Variants in PROS1 observed in about 807,000 individuals in gnomAD.
PROS1 encodes the protein protein S.
A neutral mutation model predicts 75.9 loss-of-function variants in PROS1; 29 were observed. That is an observed-to-expected ratio of 0.38 (90% CI 0.28 to 0.52). The LOEUF is 0.52. Ranked by LOEUF, PROS1 falls within the 20% of genes least tolerant of loss-of-function variation. PROS1 has a pLI of 0.83. For synonymous variants in PROS1, 245 were observed against 280.6 expected (o/e 0.87, Z 1.27); for missense variants, 680 against 810.3 (o/e 0.84, Z 1.95).
chr3:93,916,181 T>C (rs1462866500), intron 3 of PROS1, among the ~76,000 whole-genome samples: 1 of 152,178 alleles, frequency 6.6e-6, no homozygotes, highest in Non-Finnish European at 1.5e-5. Context: ...CAGTAAAACC[T>C]AAGTAGTTTT....
Position 93,913,402 on chromosome 3 carries a change from A to C in PROS1, c.260-2697T>G, listed in dbSNP as rs550050198. Among the ~76,000 whole-genome samples the C allele has an allele frequency of 2.4e-4, 36 of 152,302 alleles. 1 individual carries two copies. In the South Asian group the frequency reaches 6.8e-3, roughly 29 times the overall value. ...AAGATCTGATGGTTTTATAAATGGG[A>C]GGTCCCCTGCACAAGCTCTCTTGCC... On this transcript the variant is annotated intron_variant, in intron 3 of 14. Transcript: ENST00000394236.
In PROS1 at chr3:93,956,551, CACACACACACAA is replaced by C. The variant is rs1327783980; in HGVS notation, c.76+17111_76+17122del. 2.8e-3 allele frequency among the ~76,000 whole-genome samples: 226 copies of C among 81,610 alleles called. 1 individual carries two copies. The highest frequency in any genetic ancestry group is 7.1e-3 in the African/African-American group (201 of 28,434). The allele number at this position is 81,610 out of a possible 152,430, so 53.5% of individuals were successfully genotyped here. A position where few individuals can be genotyped will look rare whatever the true frequency, so the allele number is the denominator to read the frequency against. On this transcript the variant is annotated intron_variant, in intron 1 of 14. Transcript: ENST00000394236. ...CTCTCTCTACACACACACACACACA[CACACACACACAA>C]ACACACACACACACACACACACACA...
intron 9 of PROS1, 25 bp from the exon 10 acceptor site, chr3:93,893,147 C>T (rs1196132384): frequency 6.3e-7 from 1 of 1,583,748 alleles, no homozygotes. Context: ...AAGAGAGATC[C>T]TTAAGAGTAA....
chr3:93,940,004 C>T (rs894481738), intron 1 of PROS1, among the ~76,000 whole-genome samples: 1 of 152,268 alleles, frequency 6.6e-6, no homozygotes, highest in African/African-American at 2.4e-5. Flanking sequence ...CTCCAGCACA[C>T]AAGAACTTCA....
intron 3 of PROS1, among the ~76,000 whole-genome samples, chr3:93,919,458 T>A (rs1259220293): frequency 1.3e-5 from 2 of 151,874 alleles, no homozygotes; most frequent in African/African-American, 4.8e-5. Context: ...TCCTTATTTG[T>A]TTTTCCTGCG....
chr3:93,885,447 A>C (rs1271455957), intron 11 of PROS1, among the ~76,000 whole-genome samples: 2 of 151,910 alleles, frequency 1.3e-5, no homozygotes, highest in Admixed American at 6.6e-5. Context: ...GCTGGTCTTG[A>C]ACTCCTGACC....
chr3:93,891,298 C>T (rs1708427738), intron 10 of PROS1, among the ~76,000 whole-genome samples: 1 of 152,118 alleles, frequency 6.6e-6, no homozygotes, highest in Admixed American at 6.5e-5. Context: ...AAAGACTTCT[C>T]CCCACTATCA....
intron 1 of PROS1, among the ~76,000 whole-genome samples, chr3:93,972,220 G>C (rs1420043391): frequency 6.6e-6 from 1 of 152,132 alleles, no homozygotes; most frequent in African/African-American, 2.4e-5. Context: ...ATATTTAATT[G>C]TCCTAATGAA....
chr3:93,960,160 A>T (rs190974536), intron 1 of PROS1, among the ~76,000 whole-genome samples: 2 of 152,056 alleles, frequency 1.3e-5, no homozygotes, highest in Admixed American at 6.5e-5. Flanking sequence ...AACTATAAGC[A>T]GAAGTGCGTT....
At chr3:93,944,817 T>G (rs1709352793) in intron 1 of PROS1, among the ~76,000 whole-genome samples, 1 of 151,712 alleles carries the variant, frequency 6.6e-6, no homozygotes, top group African/African-American at 2.4e-5. Context: ...AGAGCAGAAC[T>G]GAAGGAGATA....
intron 3 of PROS1, among the ~76,000 whole-genome samples, chr3:93,914,539 C>T (rs1708810594): frequency 6.6e-6 from 1 of 152,050 alleles, no homozygotes; most frequent in Non-Finnish European, 1.5e-5. Context: ...TGCAGGTGCC[C>T]CTCTGGAAAC....
chr3:93,887,258 A>C (rs1279675877), intron 10 of PROS1, among the ~76,000 whole-genome samples: 1 of 152,196 alleles, frequency 6.6e-6, no homozygotes, highest in Non-Finnish European at 1.5e-5. Flanking sequence ...CAATATGTTC[A>C]CTATTCTGTT....
chr3:93,874,633 A>C (rs999809275), intron 14 of PROS1, among the ~76,000 whole-genome samples: 1 of 152,152 alleles, frequency 6.6e-6, no homozygotes, highest in Non-Finnish European at 1.5e-5. Context: ...CATAAACACA[A>C]TTAGTTCCAT....
chr3:93,958,533 G>A (rs1419930537), intron 1 of PROS1: 1 of 152,134 alleles, frequency 6.6e-6, no homozygotes, highest in Admixed American at 6.6e-5. Flanking sequence ...TGCATCTTAT[G>A]AGACTCTTTT....
At chr3:93,891,354 T>C (rs969218904) in intron 10 of PROS1, among the ~76,000 whole-genome samples, 6 of 152,180 alleles carry the variant, frequency 3.9e-5, no homozygotes, top group African/African-American at 1.4e-4. Flanking sequence ...ATCCAGTTGA[T>C]TAAAGTGCTA....
intron 13 of PROS1, 105 bp downstream of exon 13, chr3:93,879,058 C>T (rs1242035911): frequency 5.6e-5 from 66 of 1,175,526 alleles, no homozygotes; most frequent in South Asian, 4.5e-4. Flanking sequence ...ACATAAGTTA[C>T]TTTATTTAAT....
chr3:93,961,204 A>G (rs1709701667), intron 1 of PROS1, among the ~76,000 whole-genome samples: 1 of 152,164 alleles, frequency 6.6e-6, no homozygotes, highest in Non-Finnish European at 1.5e-5. Flanking sequence ...AAAAGGCCAT[A>G]GGGGAGAAGG....
intron 4 of PROS1, among the ~76,000 whole-genome samples, chr3:93,906,731 G>A (rs1367423256): frequency 6.6e-5 from 10 of 152,232 alleles, no homozygotes; most frequent in South Asian, 2.1e-4. Flanking sequence ...AGGGCCTGGG[G>A]AGGCCCATTC....
intron 1 of PROS1, among the ~76,000 whole-genome samples, chr3:93,955,228 A>G (rs1186910272): frequency 6.6e-6 from 1 of 152,230 alleles, no homozygotes; most frequent in Non-Finnish European, 1.5e-5. Context: ...CTTACTGGGT[A>G]TATACCCAAA....
Sources: gnomAD v4.1 joint callset for allele counts (sites outside exome capture counted in the v4.1 genomes callset) on GRCh38, gnomAD v4.1.1 for gene constraint, MANE v1.5 for transcripts, NCBI Gene and HGNC (gene_info 2026-07-23, HGNC 2026-07-21) for gene names.